The following CACNB4 variants were observed in gnomAD, a reference collection of about 807,000 sequenced individuals.
The protein encoded by CACNB4 is calcium voltage-gated channel auxiliary subunit beta 4, also known as voltage-dependent L-type calcium channel subunit beta-4.
A neutral mutation model predicts 71.2 loss-of-function variants in CACNB4; 32 were observed. The ratio of observed to expected loss-of-function variants is 0.45; its 90% CI spans 0.34 to 0.60. The LOEUF is 0.60. Among genes scored for constraint, CACNB4 ranks in the 20% least tolerant of loss-of-function variants. The pLI is 0.01. For synonymous variants in CACNB4, 231 were observed against 236.9 expected (o/e 0.97, Z 0.23); for missense variants, 464 against 647.9 (o/e 0.72, Z 3.08).
chr2:152,082,175 A>G (rs998814807), intron 2 of CACNB4, among the ~76,000 whole-genome samples: 1 of 152,192 alleles, frequency 6.6e-6, no homozygotes, highest in African/African-American at 2.4e-5. Context: ...AGCCCACTCT[A>G]TTCTTTGCAC....
Position 151,950,539 on chromosome 2 carries a change from T to C in CACNB4, c.148-67169A>G, listed in dbSNP as rs117100749. On this transcript the variant is annotated intron_variant, in intron 2 of 13. Transcript: ENST00000539935. ...TGTCCATGAATGTTCCCAGCAGCAC[T>C]ATTCACAATCACCAAAAGGTTGAAC... 2.0e-4 allele frequency among the ~76,000 whole-genome samples: 31 copies of C among 152,318 alleles called. No individual in the cohort carries two copies. In the East Asian group the frequency reaches 5.8e-3, roughly 28 times the overall value.
chr2:151,959,931 T>G (rs1401418524), intron 2 of CACNB4, among the ~76,000 whole-genome samples: 2 of 152,332 alleles, frequency 1.3e-5, no homozygotes, highest in African/African-American at 4.8e-5. Flanking sequence ...ACAGCTGAAC[T>G]GATGAAAAGC....
chr2:152,011,046 C>T (rs186466603), intron 2 of CACNB4, among the ~76,000 whole-genome samples: 4 of 151,912 alleles, frequency 2.6e-5, no homozygotes, highest in Admixed American at 6.6e-5. Context: ...GAAATAGGGT[C>T]GAAGAAAATC....
chr2:151,984,543 C>T lies in CACNB4; in HGVS notation c.148-101173G>A, dbSNP rs573975964. Among the ~76,000 whole-genome samples, 4 of 152,262 alleles carry T rather than the reference C, an allele frequency of 2.6e-5. No individual in the cohort carries two copies. The South Asian group carries it at 8.3e-4, about 32-fold the overall frequency. On this transcript the variant is annotated intron_variant, in intron 2 of 13. Coordinates refer to ENST00000539935, the MANE Select transcript of CACNB4 (RefSeq NM_000726.5). ...TGGGAATCATTATCCTATCCCCAAC[C>T]AAGCCTATCAACTTCTTAAAGTTTG... is the stretch of plus-strand genomic sequence containing the variant.
In CACNB4 at chr2:151,875,697, C is replaced by G. The variant is rs1374556145; in HGVS notation, c.521+729G>C. Among the ~76,000 whole-genome samples the G allele has an allele frequency of 6.4e-5, 3 of 46,816 alleles. 1 individual carries two copies. The highest frequency in any genetic ancestry group is 1.2e-4 in the Non-Finnish European group (3 of 25,498). The allele number at this position is 46,816 out of a possible 152,430, so 30.7% of individuals were successfully genotyped here. On this transcript the variant is annotated intron_variant, in intron 5 of 13. Transcript: ENST00000539935. The stretch of plus-strand genomic sequence containing the variant: ...CTGACCCCCCCACCTCCCTCCCGGA[C>G]GGGCGGCTGGCCGGGCAGAGGGGCT...
chr2:151,892,775 A>G (rs1347802185), intron 2 of CACNB4, among the ~76,000 whole-genome samples: 1 of 152,224 alleles, frequency 6.6e-6, no homozygotes, highest in Non-Finnish European at 1.5e-5. Flanking sequence ...TTGCTGAATG[A>G]AAGAATCAAT....
intron 2 of CACNB4, among the ~76,000 whole-genome samples, chr2:152,020,687 G>C (rs1401540319): frequency 2.6e-5 from 4 of 152,152 alleles, no homozygotes; most frequent in African/African-American, 9.7e-5. Flanking sequence ...TGAAGTTGAA[G>C]AGCATAACCA....
chr2:152,025,607 A>G (rs1683919019), intron 2 of CACNB4, among the ~76,000 whole-genome samples: 1 of 152,266 alleles, frequency 6.6e-6, no homozygotes, highest in African/African-American at 2.4e-5. Flanking sequence ...ATCTCAAATC[A>G]TCTATGAAGT....
intron 2 of CACNB4, among the ~76,000 whole-genome samples, chr2:152,060,161 T>G (rs1249741473): frequency 6.6e-6 from 1 of 152,224 alleles, no homozygotes; most frequent in East Asian, 1.9e-4. Context: ...CAATGTTATA[T>G]AATTAATTGC....
intron 2 of CACNB4, among the ~76,000 whole-genome samples, chr2:152,083,799 T>C (rs1579267495): frequency 6.6e-6 from 1 of 152,208 alleles, no homozygotes; most frequent in African/African-American, 2.4e-5. Context: ...TCCACTTCCC[T>C]TTCTGAAAGC....
chr2:151,870,835 A>C lies in CACNB4; in HGVS notation c.618+7T>G. ...AACAGTAGATTTAAAAAGGAAACAC[A>C]ACTTACCACTTTTTGCTTCTGTTTT... On this transcript the variant is annotated splice_region_variant and intron_variant, in intron 7 of 13. Transcript: ENST00000539935. 1 of 1,600,880 alleles carries C rather than the reference A, an allele frequency of 6.2e-7. No homozygotes were observed. The highest frequency in any genetic ancestry group is 8.5e-7 in the Non-Finnish European group (1 of 1,171,084).
chr2:151,940,634 C>A (rs1325874463), intron 2 of CACNB4, among the ~76,000 whole-genome samples: 3 of 152,138 alleles, frequency 2.0e-5, no homozygotes, highest in Non-Finnish European at 2.9e-5. Context: ...CCTATCGGAA[C>A]TTCAATTTCT....
intron 2 of CACNB4, among the ~76,000 whole-genome samples, chr2:151,915,959 G>A (rs1293877946): frequency 2.3e-5 from 2 of 85,618 alleles, no homozygotes; most frequent in Non-Finnish European, 7.3e-5. Context: ...TGGGGGGATA[G>A]TGCGCTCACT....
intron 2 of CACNB4, among the ~76,000 whole-genome samples, chr2:152,076,408 C>T (rs1187971960): frequency 5.3e-5 from 8 of 151,166 alleles, no homozygotes; most frequent in Non-Finnish European, 1.0e-4. Flanking sequence ...GTGATCCACC[C>T]GCCTCGGCCT....
intron 9 of CACNB4, among the ~76,000 whole-genome samples, chr2:151,865,111 G>C (rs1406173913): frequency 6.6e-6 from 1 of 152,214 alleles, no homozygotes; most frequent in Admixed American, 6.5e-5. Context: ...GAATGCATAG[G>C]AGAATGAAAT....
intron 2 of CACNB4, among the ~76,000 whole-genome samples, chr2:151,937,647 G>T (rs2099863247): frequency 6.6e-6 from 1 of 152,162 alleles, no homozygotes; most frequent in Non-Finnish European, 1.5e-5. Context: ...TCTGCTGGGG[G>T]TCATTCATGC....
intron 2 of CACNB4, among the ~76,000 whole-genome samples, chr2:152,013,649 TC>T (rs952908360): frequency 8.5e-5 from 13 of 152,136 alleles, no homozygotes; most frequent in African/African-American, 3.1e-4. Context: ...AAAGGACCCT[TC>T]CCCCAGGATA....
chr2:152,042,350 A>G (rs1023393742), intron 2 of CACNB4, among the ~76,000 whole-genome samples: 1 of 152,056 alleles, frequency 6.6e-6, no homozygotes, highest in African/African-American at 2.4e-5. Flanking sequence ...TGGTTCTTAT[A>G]TGTCGTAGCT....
At chr2:151,935,063 T>C (rs1277371249) in intron 2 of CACNB4, among the ~76,000 whole-genome samples, 1 of 152,206 alleles carries the variant, frequency 6.6e-6, no homozygotes, top group Non-Finnish European at 1.5e-5. Flanking sequence ...AGAACTCACC[T>C]GGAACATCAC....
Sources: allele counts gnomAD v4.1 joint callset (sites outside exome capture counted in the v4.1 genomes callset), GRCh38; gene constraint gnomAD v4.1.1; transcripts MANE v1.5; gene names NCBI Gene and HGNC (gene_info 2026-07-23, HGNC 2026-07-21).